GSDME: variants seen among roughly 807,000 people sequenced by gnomAD.
GSDME encodes gasdermin-E.
Under a neutral mutation model 47.5 loss-of-function variants are expected in GSDME, and 44 were observed. The ratio of observed to expected loss-of-function variants is 0.93; its 90% CI spans 0.73 to 1.19. The LOEUF (loss-of-function observed/expected upper bound fraction) is 1.19, where lower values mean the gene tolerates loss of function less well. GSDME is among the 50% of genes most tolerant of loss of function. The pLI, the probability that GSDME is intolerant of heterozygous loss-of-function variation, is 0.00. For synonymous variants in GSDME, 258 were observed against 252.8 expected (o/e 1.02, Z -0.20); for missense variants, 663 against 604.2 (o/e 1.10, Z -1.02).
At chr7:24,746,069 C>T (rs1790657861) in intron 2 of GSDME, among the ~76,000 whole-genome samples, 1 of 152,126 alleles carries the variant, frequency 6.6e-6, no homozygotes, top group Non-Finnish European at 1.5e-5. Flanking sequence ...AACACCCATA[C>T]TTCACCTACA....
At chr7:24,761,156 C>T (rs182852340), upstream of GSDME, among the ~76,000 whole-genome samples, 3 of 152,326 alleles carry the variant, frequency 2.0e-5, no homozygotes, top group East Asian at 5.8e-4. The surrounding 1 kb of genome is among the most constrained non-coding windows in gnomAD (Gnocchi z 4.4). Context: ...AGCTGAGTGA[C>T]TCTTCTGTTC....
chr7:24,728,355 G>A lies in GSDME; in HGVS notation c.405-9137C>T, dbSNP rs1048938585. On this transcript the variant is annotated intron_variant, in intron 3 of 9. Coordinates refer to ENST00000645220, the MANE Select transcript of GSDME (RefSeq NM_001127453.2). This position sits in a 1 kb window ranked among gnomAD's most constrained non-coding sequence, Gnocchi z 7.2. ...TCTGCCGTTAACCATTCAGTCAACC[G>A]GGACGCACCCTCTTCGAGATGTTTT... is the stretch of plus-strand genomic sequence containing the variant. Among the ~76,000 whole-genome samples, 1 of 152,134 alleles carries A rather than the reference G, an allele frequency of 6.6e-6. No homozygotes were observed. Among genetic ancestry groups the A allele is most frequent in the East Asian group, 1.9e-4 (1 of 5,192 alleles).
the GSDME span, among the ~76,000 whole-genome samples, chr7:24,783,299 G>A: frequency 6.6e-6 from 1 of 152,174 alleles, no homozygotes; most frequent in South Asian, 2.1e-4. Flanking sequence ...GTAGCTGTAA[G>A]CAAGTTACCT....
At chr7:24,751,413 G>C (rs1268965526) in intron 1 of GSDME, among the ~76,000 whole-genome samples, 1 of 152,174 alleles carries the variant, frequency 6.6e-6, no homozygotes, top group Admixed American at 6.5e-5. Flanking sequence ...ACAGCTCTTA[G>C]GATTTAAGAG....
chr7:24,792,915 G>C, the GSDME span, among the ~76,000 whole-genome samples: 1 of 152,174 alleles, frequency 6.6e-6, no homozygotes, highest in Non-Finnish European at 1.5e-5. Flanking sequence ...GGAAAGGAAA[G>C]TGGAAGATAA....
rs747971969 is a variant in GSDME at position 24,721,440 on chromosome 7, G to T, written c.405-2222C>A. Among the ~76,000 whole-genome samples, 1 of 152,236 alleles carries T rather than the reference G, an allele frequency of 6.6e-6. No homozygotes were observed. The highest frequency in any genetic ancestry group is 2.4e-5 in the African/African-American group (1 of 41,454). On this transcript the variant is annotated intron_variant, in intron 3 of 9. Coordinates refer to ENST00000645220, the MANE Select transcript of GSDME (RefSeq NM_001127453.2). The surrounding 1 kb of genome is among the most constrained non-coding windows in gnomAD (Gnocchi z 4.1). ...GGACCCTGGAGCCTGCAGGGCTGGG[G>T]TTCGGATCTCAGCTCTGCCCTCCCA...
intron 1 of GSDME, among the ~76,000 whole-genome samples, chr7:24,755,490 T>C (rs1790986301): frequency 6.6e-6 from 1 of 152,214 alleles, no homozygotes; most frequent in East Asian, 1.9e-4. Context: ...AATCACCTAC[T>C]ACATGCCCAA....
At chr7:24,707,948 C>T (rs1789183353) in intron 7 of GSDME, 179 bp downstream of exon 7, 2 of 697,718 alleles carry the variant, frequency 2.9e-6, no homozygotes, top group East Asian at 5.4e-5. Context: ...TAACACCTCC[C>T]TCCACCCGAT....
rs1038047445 is a variant in GSDME, at chr7:24,739,157, T to C, written c.404+5405A>G. Among the ~76,000 whole-genome samples the C allele has an allele frequency of 7.2e-5, 11 of 152,272 alleles. No individual in the cohort carries two copies. The highest frequency in any genetic ancestry group is 1.7e-4 in the African/African-American group (7 of 41,552). On this transcript the variant is annotated intron_variant, in intron 3 of 9. Coordinates refer to ENST00000645220, the MANE Select transcript of GSDME (RefSeq NM_001127453.2). The surrounding 1 kb of genome is among the most constrained non-coding windows in gnomAD (Gnocchi z 5.1). ...GGAATCATATCAAGTTAAAGACTTC[T>C]GCACAGCAATGAAACAACAAAATGA...
At chr7:24,700,241 A>G (rs992418634) in intron 9 of GSDME, among the ~76,000 whole-genome samples, 3 of 152,208 alleles carry the variant, frequency 2.0e-5, no homozygotes, top group African/African-American at 7.2e-5. Context: ...TACAACACAG[A>G]CACTCAATGT....
chr7:24,718,805 G>A (rs1436171425), intron 4 of GSDME, among the ~76,000 whole-genome samples: 1 of 107,942 alleles, frequency 9.3e-6, no homozygotes, highest in Non-Finnish European at 1.7e-5. Context: ...CATCAACCCA[G>A]GGAAAGCAGC....
rs1254794890 is a variant in GSDME at position 24,732,159 on chromosome 7, T to G, written c.404+12403A>C. 6.6e-6 allele frequency among the ~76,000 whole-genome samples: 1 copy of G among 152,218 alleles called. No homozygotes were observed. Among genetic ancestry groups the G allele is most frequent in the Non-Finnish European group, 1.5e-5 (1 of 68,036 alleles). On this transcript the variant is annotated intron_variant, in intron 3 of 9. Transcript: ENST00000645220. The surrounding 1 kb of genome is among the most constrained non-coding windows in gnomAD (Gnocchi z 4.8). ...AGTACACATGGACAGAAGTCTTCATTGTTAGGCACAAACTGTTTACTAAAA... is the reference window on the plus strand; with the variant it reads ...AGTACACATGGACAGAAGTCTTCATGGTTAGGCACAAACTGTTTACTAAAA...
At chr7:24,711,267 T>C (rs1310141631) in intron 5 of GSDME, among the ~76,000 whole-genome samples, 1 of 152,160 alleles carries the variant, frequency 6.6e-6, no homozygotes, top group Non-Finnish European at 1.5e-5. Context: ...GTCACTCTGT[T>C]GTCCAGGCTG....
At chr7:24,708,837 A>G (rs56233321) in intron 6 of GSDME, among the ~76,000 whole-genome samples, 5,875 of 152,262 alleles carry the variant, frequency 0.039, 154 homozygotes, top group Non-Finnish European at 0.057. Flanking sequence ...CCCCGAAGCT[A>G]TTGCCTCTGC....
the GSDME span, among the ~76,000 whole-genome samples, chr7:24,790,537 C>T: frequency 3.2e-4 from 48 of 152,256 alleles, no homozygotes; most frequent in African/African-American, 9.4e-4. The surrounding 1 kb of genome is among the most constrained non-coding windows in gnomAD (Gnocchi z 4.1). Flanking sequence ...GGTAATTTGG[C>T]GTAAACTCTA....
At position 24,739,628 on chromosome 7, in the gene GSDME, A is replaced by C. The variant is rs1451379454; in HGVS notation, c.404+4934T>G. 6.6e-6 allele frequency among the ~76,000 whole-genome samples: 1 copy of C among 152,244 alleles called. No individual in the cohort carries two copies. Among genetic ancestry groups the C allele is most frequent in the African/African-American group, 2.4e-5 (1 of 41,456 alleles). On this transcript the variant is annotated intron_variant, in intron 3 of 9. Transcript: ENST00000645220. This position sits in a 1 kb window ranked among gnomAD's most constrained non-coding sequence, Gnocchi z 5.1. The stretch of plus-strand genomic sequence containing the variant: ...TACTATCCAGCATTCCAACTGCTGG[A>C]TATGTACCCAAAAGAAAGGAAATCA...
rs1194289132 is a variant in GSDME at position 24,717,248 on chromosome 7, A to C, written c.697+6T>G. ...TCCCTCAGCACCCATAGGAGGTGGC[A>C]CTCACCGAACTGGCCGTCCAGTTTC... is the stretch of plus-strand genomic sequence containing the variant. On this transcript the variant is annotated splice_donor_region_variant and intron_variant, in intron 5 of 9. Coordinates refer to ENST00000645220, the MANE Select transcript of GSDME (RefSeq NM_001127453.2). 1.3e-6 allele frequency: 2 copies of C among 1,504,328 alleles called. No homozygotes were observed. The highest frequency in any genetic ancestry group is 3.8e-5 in the Admixed American group (2 of 52,322). 93.2% of individuals were successfully genotyped at this position (1,504,328 alleles called of 1,614,324 possible). A position where few individuals can be genotyped will look rare whatever the true frequency, so the allele number is the denominator to read the frequency against.
the GSDME span, among the ~76,000 whole-genome samples, chr7:24,790,538 G>T: frequency 1.4e-4 from 21 of 152,158 alleles, no homozygotes; most frequent in Non-Finnish European, 2.6e-4. This position sits in a 1 kb window ranked among gnomAD's most constrained non-coding sequence, Gnocchi z 4.1. Context: ...GTAATTTGGC[G>T]TAAACTCTAT....
At chr7:24,743,176 A>G (rs1790543072) in intron 3 of GSDME, among the ~76,000 whole-genome samples, 1 of 152,250 alleles carries the variant, frequency 6.6e-6, no homozygotes, top group African/African-American at 2.4e-5. Flanking sequence ...CAATGTCTGT[A>G]CAAAATCCAC....
Sources: gnomAD v4.1 joint callset for allele counts (sites outside exome capture counted in the v4.1 genomes callset) on GRCh38, gnomAD v4.1.1 for gene constraint, Gnocchi (gnomAD v3.1) non-coding constraint, MANE v1.5 for transcripts, NCBI Gene and HGNC (gene_info 2026-07-23, HGNC 2026-07-21) for gene names.